Variants in NT5DC3 observed in about 807,000 individuals in gnomAD.
NT5DC3 encodes 5'-nucleotidase domain containing 3.
Under a neutral mutation model 67.8 loss-of-function variants are expected in NT5DC3, and 42 were observed. That is an observed-to-expected ratio of 0.62 (90% CI 0.48 to 0.80). NT5DC3 has a LOEUF of 0.80. NT5DC3 is among the 30% of genes least tolerant of loss of function. The pLI is 0.00. For synonymous variants in NT5DC3, 237 were observed against 255.6 expected, an observed-to-expected ratio of 0.93 and a Z score of 0.69; for missense variants, 570 against 696.4, an observed-to-expected ratio of 0.82 and a Z score of 2.04.
downstream of NT5DC3, among the ~76,000 whole-genome samples, chr12:103,765,785 G>A (rs1460926705): frequency 2.3e-5 from 3 of 131,170 alleles, no homozygotes; most frequent in Admixed American, 7.8e-5. Context: ...CAAGTGATCC[G>A]CCTGCCTCAG....
At chr12:103,758,259 G>A in the NT5DC3 span, 1 of 1,613,980 alleles carries the variant, frequency 6.2e-7, no homozygotes, top group East Asian at 2.2e-5. Flanking sequence ...CCCTCTTTGT[G>A]CCACAGAACA....
chr12:103,762,281 C>T, the NT5DC3 span: 5 of 1,614,194 alleles, frequency 3.1e-6, no homozygotes, highest in East Asian at 6.7e-5. Context: ...CAGACCTTGA[C>T]CCACACTGGC....
intron 4 of NT5DC3, among the ~76,000 whole-genome samples, chr12:103,802,579 G>A (rs1468221846): frequency 6.6e-6 from 1 of 152,164 alleles, no homozygotes; most frequent in Non-Finnish European, 1.5e-5. Context: ...GAGCTGGGGG[G>A]ATGTGGGCTT....
chr12:103,747,764 G>A, the NT5DC3 span, among the ~76,000 whole-genome samples: 1 of 152,144 alleles, frequency 6.6e-6, no homozygotes, highest in African/African-American at 2.4e-5. Context: ...GGAGGCCGGG[G>A]TGGGCAGATC....
the NT5DC3 span, among the ~76,000 whole-genome samples, chr12:103,750,024 G>A: frequency 6.6e-6 from 1 of 152,120 alleles, no homozygotes; most frequent in Non-Finnish European, 1.5e-5. Flanking sequence ...ATTACTCTCT[G>A]AGCCCCAGTT....
At chr12:103,750,044 G>A in the NT5DC3 span, among the ~76,000 whole-genome samples, 1 of 152,222 alleles carries the variant, frequency 6.6e-6, no homozygotes, top group Non-Finnish European at 1.5e-5. Flanking sequence ...TTTCTCATTT[G>A]TAAAGTGGGC....
chr12:103,796,853 G>T (rs1483908833), intron 6 of NT5DC3, 41 bp downstream of exon 6: 2 of 1,611,260 alleles, frequency 1.2e-6, no homozygotes, highest in Admixed American at 3.3e-5. Context: ...TGAAAAGGCT[G>T]AAACAGACTC....
Position 103,777,674 on chromosome 12 carries a change from T to G in NT5DC3, c.*155A>C. On this transcript the variant is annotated 3_prime_UTR_variant, in exon 14 of 14. Transcript: ENST00000392876. Reference sequence around the variant, plus strand: ...AGGGGTGGGCTGCTAGCTCCTGTCTTAACCATTGGGAGAATTATTCTCCGT... The same window carrying G: ...AGGGGTGGGCTGCTAGCTCCTGTCTGAACCATTGGGAGAATTATTCTCCGT... 1 of 890,264 alleles carries G rather than the reference T, an allele frequency of 1.1e-6. No homozygotes were observed. Among genetic ancestry groups the G allele is most frequent in the Non-Finnish European group, 1.7e-6 (1 of 593,214 alleles). 55.1% of individuals were successfully genotyped at this position (890,264 alleles called of 1,614,324 possible).
At chr12:103,819,358 T>C (rs1184514690) in intron 1 of NT5DC3, among the ~76,000 whole-genome samples, 1 of 152,204 alleles carries the variant, frequency 6.6e-6, no homozygotes, top group Non-Finnish European at 1.5e-5. Flanking sequence ...AGAAACAGTC[T>C]GGCTAAACTT....
intron 12 of NT5DC3, among the ~76,000 whole-genome samples, chr12:103,784,259 T>G (rs1885674729): frequency 6.6e-6 from 1 of 152,152 alleles, no homozygotes; most frequent in Admixed American, 6.5e-5. Context: ...CAGACAAGCA[T>G]AGCGAGGGAA....
At chr12:103,799,820 T>C (rs1886488984) in intron 4 of NT5DC3, among the ~76,000 whole-genome samples, 2 of 108,688 alleles carry the variant, frequency 1.8e-5, no homozygotes, top group African/African-American at 3.4e-5. Context: ...AAAAAAAAGA[T>C]TTGTGAAGTC....
At chr12:103,840,410 CATCT>C (rs774410343) in intron 1 of NT5DC3, among the ~76,000 whole-genome samples, 80 of 147,318 alleles carry the variant, frequency 5.4e-4, no homozygotes, top group African/African-American at 2.0e-3. Context: ...CATCTCATCT[CATCT>C]CATCTCATTC....
intron 1 of NT5DC3, among the ~76,000 whole-genome samples, chr12:103,833,617 C>A (rs760227339): frequency 2.0e-5 from 3 of 151,918 alleles, no homozygotes; most frequent in Admixed American, 6.6e-5. Context: ...ATAAAAGCTT[C>A]TAACTAATCC....
In NT5DC3 at chr12:103,840,377, G is replaced by GCTCAGCTCATCTCAT. The variant is rs1555266142; in HGVS notation, c.208+571_208+572insATGAGATGAGCTGAG. Among the ~76,000 whole-genome samples, 243 of 115,412 alleles carry GCTCAGCTCATCTCAT rather than the reference G, an allele frequency of 2.1e-3. 4 individuals are homozygous for GCTCAGCTCATCTCAT. Among genetic ancestry groups the GCTCAGCTCATCTCAT allele is most frequent in the Admixed American group, 0.019 (187 of 10,036 alleles). The allele number at this position is 115,412 out of a possible 152,430, so 75.7% of individuals were successfully genotyped here. A position where few individuals can be genotyped will look rare whatever the true frequency, so the allele number is the denominator to read the frequency against. Reference sequence around the variant, plus strand: ...CCTCTCCTCTTTCAAACACCGCACAGCTCATCTCATCTCATCTCATCTCAT... The same window carrying GCTCAGCTCATCTCAT: ...CCTCTCCTCTTTCAAACACCGCACAGCTCAGCTCATCTCATCTCATCTCATCTCATCTCATCTCAT... On this transcript the variant is annotated intron_variant, in intron 1 of 13. Coordinates refer to ENST00000392876, the MANE Select transcript of NT5DC3 (RefSeq NM_001031701.3).
chr12:103,757,026 TA>T, the NT5DC3 span, among the ~76,000 whole-genome samples: 1 of 142,242 alleles, frequency 7.0e-6, no homozygotes, highest in Non-Finnish European at 1.5e-5. Context: ...TATATATATA[TA>T]TATAAAATAT....
the NT5DC3 span, chr12:103,759,141 T>C: frequency 6.2e-7 from 1 of 1,614,200 alleles, no homozygotes; most frequent in Non-Finnish European, 8.5e-7. Flanking sequence ...AGACCTTGTC[T>C]GGGCGGGACA....
chr12:103,763,735 A>G, the NT5DC3 span: 1 of 911,984 alleles, frequency 1.1e-6, no homozygotes, highest in East Asian at 2.5e-5. Flanking sequence ...TCAGGTAACA[A>G]GCCTAAAAGC....
intron 13 of NT5DC3, 78 bp from the exon 14 acceptor site, chr12:103,778,159 A>G: frequency 3.7e-6 from 5 of 1,348,574 alleles, no homozygotes; most frequent in Admixed American, 2.5e-5. Flanking sequence ...AATCAAAATC[A>G]CTTCTTTTTT....
At position 103,835,698 on chromosome 12, in the gene NT5DC3, C is replaced by T. The variant is rs142001746; in HGVS notation, c.208+5251G>A. Among the ~76,000 whole-genome samples the T allele has an allele frequency of 1.3e-3, 193 of 152,294 alleles. 2 individuals are homozygous for T. Among genetic ancestry groups the T allele is most frequent in the African/African-American group, 4.5e-3 (185 of 41,550 alleles). On this transcript the variant is annotated intron_variant, in intron 1 of 13. Coordinates refer to ENST00000392876, the MANE Select transcript of NT5DC3 (RefSeq NM_001031701.3). ...CCAAGCACACACTAAAAATCTCCAC[C>T]TTAATCCCATATCGCAATGGAGGAA...
Sources: allele counts gnomAD v4.1 joint callset (sites outside exome capture counted in the v4.1 genomes callset), GRCh38; gene constraint gnomAD v4.1.1; transcripts MANE v1.5; gene names NCBI Gene and HGNC (gene_info 2026-07-23, HGNC 2026-07-21).